The following RELB variants were observed in gnomAD, a reference collection of about 807,000 sequenced individuals.
RELB encodes the protein RELB proto-oncogene, NF-kB subunit.
Under a neutral mutation model 55.4 loss-of-function variants are expected in RELB, and 14 were observed. That is an observed-to-expected ratio of 0.25 (90% CI 0.17 to 0.40). The LOEUF (loss-of-function observed/expected upper bound fraction) is 0.40. Among genes scored for constraint, RELB ranks in the 10% least tolerant of loss-of-function variants. The probability of loss-of-function intolerance (pLI) is 1.00; values close to 1 mark genes in which losing one functional copy is unlikely to be tolerated. For missense variants in RELB, 669 were observed against 830.7 expected, an observed-to-expected ratio of 0.81 and a Z score of 2.39; for synonymous variants, 409 against 371.3, an observed-to-expected ratio of 1.10 and a Z score of -1.17.
chr19:45,033,365 C>G (rs906748908), intron 9 of RELB, among the ~76,000 whole-genome samples: 3 of 152,088 alleles, frequency 2.0e-5, no homozygotes, highest in Admixed American at 6.6e-5. Context: ...CGGATTGTGC[C>G]TGGGGTGCTC....
intron 8 of RELB, among the ~76,000 whole-genome samples, chr19:45,031,313 C>T (rs1250821543): frequency 1.3e-5 from 2 of 150,926 alleles, no homozygotes; most frequent in Non-Finnish European, 3.0e-5. Context: ...CTTGTAGAGA[C>T]AAGGTCTTGC....
intron 2 of RELB, among the ~76,000 whole-genome samples, chr19:45,007,138 A>G (rs1971291843): frequency 6.6e-6 from 1 of 151,970 alleles, no homozygotes; most frequent in Admixed American, 6.6e-5. Context: ...CTGGGGGAAG[A>G]GCATTCAGGC....
chr19:45,014,966 G>A (rs1267480209), intron 4 of RELB, among the ~76,000 whole-genome samples: 1 of 142,374 alleles, frequency 7.0e-6, no homozygotes, highest in Admixed American at 7.1e-5. Flanking sequence ...GCAGTGGTGT[G>A]ATCTCAGCTC....
intron 2 of RELB, among the ~76,000 whole-genome samples, chr19:45,003,894 T>TG: frequency 6.7e-6 from 1 of 148,600 alleles, no homozygotes; most frequent in East Asian, 2.0e-4. Flanking sequence ...TGTGTGTGGG[T>TG]TTTTTTTGTC....
In RELB at chr19:45,034,437, C is replaced by T; in HGVS notation, c.1277-14C>T. On this transcript the variant is annotated splice_polypyrimidine_tract_variant and intron_variant, in intron 10 of 11. Transcript: ENST00000221452. ...TGTCGGGGAACAGGGGTCCTCATCT[C>T]TGCCTTCCCTCAGACCCCCATGGCA... The T allele has an allele frequency of 6.2e-7, 1 of 1,611,838 alleles. No homozygotes were observed. Among genetic ancestry groups the T allele is most frequent in the Non-Finnish European group, 8.5e-7 (1 of 1,178,954 alleles).
rs370904957 is a variant in RELB at position 45,037,481 on chromosome 19, G to A, written c.1431G>A (p.Glu477=). The A allele has an allele frequency of 3.1e-6, 5 of 1,611,306 alleles. No individual in the cohort carries two copies. The highest frequency in any genetic ancestry group is 4.2e-6 in the Non-Finnish European group (5 of 1,179,522). ...GCACCGTGTCCCTGCCCGGCCTGGA[G>A]CCCCCTGGCGGGCCTGACCTCCTGG... ...FSGTVSLPGL[E]PPGGPDLLDD... The change falls in exon 12 of 12, where the codon GAG becomes GAA. Residue 477 remains glutamate, a synonymous_variant. Transcript: ENST00000221452.
intron 5 of RELB, among the ~76,000 whole-genome samples, chr19:45,025,125 C>T (rs2069511856): frequency 6.6e-6 from 1 of 152,076 alleles, no homozygotes; most frequent in African/African-American, 2.4e-5. Flanking sequence ...TCCCAAAGTG[C>T]TGGGATTACA....
At chr19:45,037,300 G>A in intron 11 of RELB, 105 bp from the exon 12 acceptor site, 1 of 1,204,496 alleles carries the variant, frequency 8.3e-7, no homozygotes, top group South Asian at 1.7e-5. Flanking sequence ...AAAAAAAAAG[G>A]CCACCTTGAT....
chr19:45,027,937 G>A (rs985232072), intron 7 of RELB, among the ~76,000 whole-genome samples: 4 of 152,122 alleles, frequency 2.6e-5, no homozygotes, highest in Non-Finnish European at 5.9e-5. Flanking sequence ...CAGTCATGCA[G>A]TGGTGCAGTC....
Position 45,002,960 on chromosome 19 carries a change from C to G in RELB, c.118C>G (p.Leu40Val), listed in dbSNP as rs777477208. ...PELGALGSPD[L>V]SSLSLAVSRS... ...CTCCTTCTCTGCAGGGTCCCCCGAC[C>G]TCTCCTCACTCTCGCTCGCCGTTTC... is the stretch of plus-strand genomic sequence containing the variant. The change falls in exon 2 of 12, where the codon CTC becomes GTC. Residue 40 changes from leucine to valine, a missense_variant. Physicochemically the swap from Leu to Val is conservative, Grantham distance 32 (BLOSUM62 1). Coordinates refer to ENST00000221452, the MANE Select transcript of RELB (RefSeq NM_006509.4). 6.2e-7 allele frequency: 1 copy of G among 1,613,544 alleles called. No individual in the cohort carries two copies. Among genetic ancestry groups the G allele is most frequent in the South Asian group, 1.1e-5 (1 of 91,004 alleles).
rs1445129254 is a variant in RELB, at chr19:45,034,559, C to T, written c.1354+31C>T. The T allele has an allele frequency of 3.8e-6, 6 of 1,560,272 alleles. No individual in the cohort carries two copies. The African/African-American group carries it at 8.2e-5, about 21-fold the overall frequency. On this transcript the variant is annotated intron_variant, in intron 11 of 11. Coordinates refer to ENST00000221452, the MANE Select transcript of RELB (RefSeq NM_006509.4). The stretch of plus-strand genomic sequence containing the variant: ...TCCCAGCTACACATAAGCCCCTGTC[C>T]CCTGGGTGGGCAGAGGGTAAGTGGC...
In RELB at chr19:45,037,864, T is replaced by A; in HGVS notation, c.*74T>A. 1 of 1,390,036 alleles carries A rather than the reference T, an allele frequency of 7.2e-7. No homozygotes were observed. Among genetic ancestry groups the A allele is most frequent in the Non-Finnish European group, 9.5e-7 (1 of 1,055,202 alleles). The allele number at this position is 1,390,036 out of a possible 1,614,324, so 86.1% of individuals were successfully genotyped here. ...GCCGTGCAATCCCAACCAGGATGTC[T>A]AGCACCCCCATCCCCTTGGCCCTTC... On this transcript the variant is annotated 3_prime_UTR_variant, in exon 12 of 12. Transcript: ENST00000221452.
At position 45,037,834 on chromosome 19, in the gene RELB, G is replaced by C; in HGVS notation, c.*44G>C. The C allele has an allele frequency of 6.8e-7, 1 of 1,466,368 alleles. No homozygotes were observed. Among genetic ancestry groups the C allele is most frequent in the African/African-American group, 1.5e-5 (1 of 68,762 alleles). 90.8% of individuals were successfully genotyped at this position (1,466,368 alleles called of 1,614,324 possible). A position where few individuals can be genotyped will look rare whatever the true frequency, so the allele number is the denominator to read the frequency against. On this transcript the variant is annotated 3_prime_UTR_variant, in exon 12 of 12. Transcript: ENST00000221452. ...GGGGCACTGGGTGGGGAGGGAGGTG[G>C]AGGAGCCGTGCAATCCCAACCAGGA...
At chr19:45,003,043 G>A (rs1481362668) in intron 2 of RELB, 47 bp downstream of exon 2, 2 of 1,573,330 alleles carry the variant, frequency 1.3e-6, no homozygotes, top group East Asian at 4.6e-5. Flanking sequence ...TGCAGGATGA[G>A]GTTGGGAGGA....
intron 2 of RELB, among the ~76,000 whole-genome samples, chr19:45,006,534 C>T (rs1490250224): frequency 1.3e-5 from 2 of 152,034 alleles, no homozygotes; most frequent in African/African-American, 4.8e-5. Context: ...AAGGGCCAGA[C>T]ATATGCTGGA....
chr19:45,004,605 T>C (rs900088632), intron 2 of RELB, among the ~76,000 whole-genome samples: 1 of 150,146 alleles, frequency 6.7e-6, no homozygotes, highest in Non-Finnish European at 1.5e-5. Flanking sequence ...TGGTGGCTCA[T>C]GCCTGTAATC....
chr19:45,008,400 C>A (rs543681023), intron 2 of RELB: 30 of 455,954 alleles, frequency 6.6e-5, no homozygotes, highest in African/African-American at 4.8e-4. Flanking sequence ...TCAGTCTCCC[C>A]CTACAGCCCG....
Position 45,009,197 on chromosome 19 carries a change from C to T in RELB, c.155-617C>T, listed in dbSNP as rs942029440. On this transcript the variant is annotated intron_variant, in intron 2 of 11. Transcript: ENST00000221452. Reference sequence around the variant, plus strand: ...CTGAGTTCAAGCGATTCTCCTGCCTCAGCCTCCCGAGTAGCTGGGATTACA... The same window carrying T: ...CTGAGTTCAAGCGATTCTCCTGCCTTAGCCTCCCGAGTAGCTGGGATTACA... 6.6e-5 allele frequency among the ~76,000 whole-genome samples: 10 copies of T among 152,344 alleles called. 1 individual carries two copies. In the East Asian group the frequency reaches 1.2e-3, roughly 18 times the overall value.
chr19:45,011,408 C>T (rs142228106), intron 3 of RELB, among the ~76,000 whole-genome samples: 1,655 of 148,894 alleles, frequency 0.011, 33 homozygotes, highest in African/African-American at 0.038. Context: ...ATGATCCGCC[C>T]GCCTCGGCCT....
Sources: gnomAD v4.1 joint callset for allele counts (sites outside exome capture counted in the v4.1 genomes callset) on GRCh38, gnomAD v4.1.1 for gene constraint, MANE v1.5 for transcripts, NCBI Gene and HGNC (gene_info 2026-07-23, HGNC 2026-07-21) for gene names.